FRMD4A: variants seen among roughly 807,000 people sequenced by gnomAD.
FRMD4A encodes FERM domain containing 4A, also known as FERM domain-containing protein 4A.
A neutral mutation model predicts 129.1 loss-of-function variants in FRMD4A; 29 were observed. The ratio of observed to expected loss-of-function variants is 0.22; its 90% CI spans 0.17 to 0.31. The LOEUF (loss-of-function observed/expected upper bound fraction) is 0.31. Ranked by LOEUF, FRMD4A falls within the 10% of genes least tolerant of loss-of-function variation. The pLI is 1.00. For synonymous variants in FRMD4A, 634 were observed against 571.6 expected (o/e 1.11, Z -1.56); for missense variants, 1,272 against 1,375.8 (o/e 0.92, Z 1.19).
intron 12 of FRMD4A, among the ~76,000 whole-genome samples, chr10:13,731,541 C>A (rs1254944385): frequency 1.3e-5 from 2 of 149,286 alleles, no homozygotes; most frequent in Non-Finnish European, 3.0e-5. Context: ...CCTAGTTACT[C>A]GGGAGGCTGA....
chr10:14,067,590 G>A lies in FRMD4A; in HGVS notation c.46-208678C>T, dbSNP rs546711388. ...TCCCAGCACTTTGGGAGGCCGAGGCGGGCGGATCACGAGGTCAGGAGTTCA... is the reference window on the plus strand; with the variant it reads ...TCCCAGCACTTTGGGAGGCCGAGGCAGGCGGATCACGAGGTCAGGAGTTCA... On this transcript the variant is annotated intron_variant, in intron 2 of 24. Transcript: ENST00000357447. 2.4e-4 allele frequency among the ~76,000 whole-genome samples: 37 copies of A among 151,948 alleles called. No homozygotes were observed. The East Asian group carries it at 5.9e-3, about 24-fold the overall frequency.
At chr10:13,933,620 G>A (rs562182064) in intron 2 of FRMD4A, among the ~76,000 whole-genome samples, 1 of 152,306 alleles carries the variant, frequency 6.6e-6, no homozygotes, top group South Asian at 2.1e-4. Flanking sequence ...TGTGTGAACA[G>A]GGGAACAAGA....
At position 13,970,622 on chromosome 10, in the gene FRMD4A, C is replaced by A. The variant is rs1408918769; in HGVS notation, c.46-111710G>T. ...ATGAAATAAACTGGGTTACAAACAC[C>A]CGTGAGAGGAGGAAAAATGAGCGAC... On this transcript the variant is annotated intron_variant, in intron 2 of 24. Coordinates refer to ENST00000357447, the MANE Select transcript of FRMD4A (RefSeq NM_018027.5). Among the ~76,000 whole-genome samples the A allele has an allele frequency of 2.0e-5, 3 of 152,182 alleles. No individual in the cohort carries two copies. In the East Asian group the frequency reaches 5.8e-4, roughly 29 times the overall value.
intron 2 of FRMD4A, among the ~76,000 whole-genome samples, chr10:14,128,628 A>G (rs114315775): frequency 0.024 from 3,596 of 152,102 alleles, 134 homozygotes; most frequent in African/African-American, 0.081. Context: ...AAGATCTAAG[A>G]TTTTCTGCCT....
intron 17 of FRMD4A, chr10:13,668,037 T>A (rs12243815): frequency 6.6e-6 from 1 of 152,084 alleles, no homozygotes; most frequent in Admixed American, 6.5e-5. Flanking sequence ...CTGGGCACAA[T>A]GCACCAAGCT....
intron 5 of FRMD4A, among the ~76,000 whole-genome samples, chr10:13,787,352 C>G (rs989327929): frequency 3.3e-5 from 5 of 152,204 alleles, no homozygotes; most frequent in African/African-American, 1.2e-4. Context: ...GCTCAGACCT[C>G]TCCACCCGCA....
intron 2 of FRMD4A, among the ~76,000 whole-genome samples, chr10:13,912,514 A>C (rs1028607786): frequency 2.7e-4 from 37 of 138,160 alleles, no homozygotes; most frequent in African/African-American, 8.8e-4. Flanking sequence ...GTATCCACAT[A>C]ATAGAATTTT....
chr10:13,882,703 G>A (rs1007632012), intron 2 of FRMD4A, among the ~76,000 whole-genome samples: 1 of 151,976 alleles, frequency 6.6e-6, no homozygotes, highest in African/African-American at 2.4e-5. Flanking sequence ...GGCAAGCCAC[G>A]ATACTTGAGT....
At chr10:13,745,018 G>A (rs2091219002) in intron 9 of FRMD4A, among the ~76,000 whole-genome samples, 1 of 152,176 alleles carries the variant, frequency 6.6e-6, no homozygotes, top group Non-Finnish European at 1.5e-5. Flanking sequence ...GGAAATTATA[G>A]TTAACAATAA....
chr10:13,963,720 G>T (rs763713071), intron 2 of FRMD4A, among the ~76,000 whole-genome samples: 2 of 152,142 alleles, frequency 1.3e-5, no homozygotes, highest in Non-Finnish European at 2.9e-5. Flanking sequence ...AGCGTTCTAC[G>T]TAATTACAAA....
intron 15 of FRMD4A, chr10:13,684,813 A>C (rs1051997247): frequency 2.0e-6 from 2 of 984,850 alleles, no homozygotes; most frequent in Non-Finnish European, 2.4e-6. Flanking sequence ...AGAAGAAAGG[A>C]ATCGGTTGTT....
intron 2 of FRMD4A, among the ~76,000 whole-genome samples, chr10:14,165,041 A>C (rs957994571): frequency 1.3e-5 from 2 of 152,358 alleles, no homozygotes; most frequent in East Asian, 3.9e-4. Flanking sequence ...GCTTCCGCAC[A>C]GCAAAAGAAA....
chr10:14,037,993 A>G (rs894120703), intron 2 of FRMD4A, among the ~76,000 whole-genome samples: 11 of 152,212 alleles, frequency 7.2e-5, no homozygotes, highest in Non-Finnish European at 1.5e-4. Context: ...TAAGAGAAAC[A>G]TGTTAGAACC....
At chr10:14,103,170 C>T (rs1837401511) in intron 2 of FRMD4A, among the ~76,000 whole-genome samples, 1 of 152,164 alleles carries the variant, frequency 6.6e-6, no homozygotes, top group Non-Finnish European at 1.5e-5. Flanking sequence ...GAAGAGATGG[C>T]CAGCATCCAC....
chr10:13,944,622 C>T (rs1454391473), intron 2 of FRMD4A, among the ~76,000 whole-genome samples: 2 of 152,186 alleles, frequency 1.3e-5, no homozygotes, highest in African/African-American at 4.8e-5. Context: ...ATACACCCTT[C>T]AACAGAACAT....
chr10:13,824,503 A>G (rs1206077435), intron 3 of FRMD4A, among the ~76,000 whole-genome samples: 2 of 151,748 alleles, frequency 1.3e-5, no homozygotes, highest in African/African-American at 4.8e-5. Flanking sequence ...ACAAAAAATA[A>G]TAAATAAATA....
intron 2 of FRMD4A, among the ~76,000 whole-genome samples, chr10:13,975,188 G>A (rs554218498): frequency 1.3e-5 from 2 of 151,824 alleles, no homozygotes; most frequent in South Asian, 2.1e-4. Context: ...GAGTCTCTGT[G>A]TCTGTGTGTA....
Position 13,991,762 on chromosome 10 carries a change from AAC to A in FRMD4A, c.46-132852_46-132851del, listed in dbSNP as rs545002171. On this transcript the variant is annotated intron_variant, in intron 2 of 24. Transcript: ENST00000357447. Reference sequence around the variant, plus strand: ...TGTGTTGGTTTCCCTTACAGAAAGTAACACACACAGAAGAGAAGGTTATAGGA... The same window carrying A: ...TGTGTTGGTTTCCCTTACAGAAAGTAACACACAGAAGAGAAGGTTATAGGA... 10 of 152,800 alleles carry A rather than the reference AAC, an allele frequency of 6.5e-5. No homozygotes were observed. In the South Asian group the frequency reaches 2.1e-3, roughly 32 times the overall value. The allele number at this position is 152,800 out of a possible 1,614,324, so 9.5% of individuals were successfully genotyped here. A position where few individuals can be genotyped will look rare whatever the true frequency, so the allele number is the denominator to read the frequency against.
Position 13,845,615 on chromosome 10 carries a change from A to C in FRMD4A, c.111+13232T>G, listed in dbSNP as rs899099819. ...GCCTGGGTTACCATAGCTACTAAGC[A>C]GTCTGGCCGAGGCCTCTGATCCCAG... On this transcript the variant is annotated intron_variant, in intron 3 of 24. Transcript: ENST00000357447. 3.3e-5 allele frequency among the ~76,000 whole-genome samples: 5 copies of C among 152,322 alleles called. No homozygotes were observed. The East Asian group carries it at 7.7e-4, about 23-fold the overall frequency.
Sources: allele counts gnomAD v4.1 joint callset (sites outside exome capture counted in the v4.1 genomes callset), GRCh38; gene constraint gnomAD v4.1.1; transcripts MANE v1.5; gene names NCBI Gene and HGNC (gene_info 2026-07-23, HGNC 2026-07-21).